YAP1: variants seen among roughly 807,000 people sequenced by gnomAD.
YAP1 encodes Yes1 associated transcriptional regulator.
Under a neutral mutation model 56.9 loss-of-function variants are expected in YAP1, and 5 were observed. The ratio of observed to expected loss-of-function variants is 0.09; its 90% CI spans 0.05 to 0.18. The LOEUF is 0.18. Ranked by LOEUF, YAP1 falls within the 10% of genes least tolerant of loss-of-function variation. The pLI is 1.00. For missense variants in YAP1, 539 were observed against 651.8 expected (o/e 0.83, Z 1.88); for synonymous variants, 265 against 248.1 (o/e 1.07, Z -0.64).
At chr11:102,209,798 A>C (rs1949305175) in intron 6 of YAP1, among the ~76,000 whole-genome samples, 2 of 152,032 alleles carry the variant, frequency 1.3e-5, no homozygotes, top group Non-Finnish European at 2.9e-5. Context: ...GATTCCATGG[A>C]GGTCTTTTTT....
chr11:102,115,248 A>G (rs1360595098), intron 2 of YAP1, among the ~76,000 whole-genome samples: 1 of 152,186 alleles, frequency 6.6e-6, no homozygotes, highest in Non-Finnish European at 1.5e-5. Context: ...TAATTATGAT[A>G]GACTGAAATT....
intron 2 of YAP1, among the ~76,000 whole-genome samples, chr11:102,118,378 G>T (rs1943428636): frequency 6.6e-6 from 1 of 151,844 alleles, no homozygotes; most frequent in African/African-American, 2.4e-5. Flanking sequence ...ACATTGCATG[G>T]CATAAAACTA....
chr11:102,227,905 T>TA (rs1234965102), intron 8 of YAP1, among the ~76,000 whole-genome samples: 6 of 151,344 alleles, frequency 4.0e-5, no homozygotes, highest in South Asian at 2.1e-4. Flanking sequence ...CCCATCTCTA[T>TA]AAAAAAACAT....
At chr11:102,177,405 T>C (rs1339866148) in intron 3 of YAP1, among the ~76,000 whole-genome samples, 1 of 152,088 alleles carries the variant, frequency 6.6e-6, no homozygotes, top group Non-Finnish European at 1.5e-5. Context: ...ATAAGACCAA[T>C]TTGGAAGTTA....
At position 102,215,671 on chromosome 11, in the gene YAP1, G is replaced by A. The variant is rs937185482; in HGVS notation, c.1032+6107G>A. On this transcript the variant is annotated intron_variant, in intron 6 of 8. Transcript: ENST00000282441. ...TTTTTGTATATTTAGTAGAGACAGG[G>A]TTTCACCATGTTGGTCAGGCTGGTC... 1.1e-4 allele frequency among the ~76,000 whole-genome samples: 16 copies of A among 152,248 alleles called. No homozygotes were observed. In the East Asian group the frequency reaches 2.5e-3, roughly 24 times the overall value.
intron 2 of YAP1, among the ~76,000 whole-genome samples, chr11:102,135,262 C>G (rs1944608693): frequency 6.6e-6 from 1 of 152,160 alleles, no homozygotes; most frequent in South Asian, 2.1e-4. Flanking sequence ...CAGTTACCTA[C>G]TACTGCATAA....
intron 2 of YAP1, among the ~76,000 whole-genome samples, chr11:102,157,707 C>T (rs1485220916): frequency 2.6e-5 from 4 of 152,172 alleles, no homozygotes; most frequent in Admixed American, 6.5e-5. Flanking sequence ...CACTTTTCTT[C>T]AGGGAAGTGG....
At chr11:102,120,139 T>A (rs1943562190) in intron 2 of YAP1, among the ~76,000 whole-genome samples, 1 of 152,226 alleles carries the variant, frequency 6.6e-6, no homozygotes, top group Non-Finnish European at 1.5e-5. Flanking sequence ...TGAAGAAGAA[T>A]TGCTTCATGG....
At chr11:102,223,904 G>C (rs182900185) in intron 7 of YAP1, 152 bp downstream of exon 7, 2 of 1,023,782 alleles carry the variant, frequency 2.0e-6, no homozygotes, top group East Asian at 5.2e-5. Context: ...AGTACATGCA[G>C]AGTTGAGGAT....
At chr11:102,174,414 T>C (rs899023674) in intron 3 of YAP1, among the ~76,000 whole-genome samples, 1 of 151,952 alleles carries the variant, frequency 6.6e-6, no homozygotes, top group Non-Finnish European at 1.5e-5. Context: ...CTGGCCAACA[T>C]GGTGAAACCC....
intron 4 of YAP1, among the ~76,000 whole-genome samples, chr11:102,188,946 ATTTC>A (rs1294088436): frequency 1.3e-5 from 2 of 152,172 alleles, no homozygotes; most frequent in Non-Finnish European, 2.9e-5. Context: ...TTTAAAAGCT[ATTTC>A]TTTAATATTT....
At chr11:102,157,881 A>G (rs1946046015) in intron 2 of YAP1, among the ~76,000 whole-genome samples, 1 of 152,202 alleles carries the variant, frequency 6.6e-6, no homozygotes, top group Non-Finnish European at 1.5e-5. Flanking sequence ...CACAATGAAG[A>G]CAGTCTTAAA....
chr11:102,199,442 C>T (rs757853740), intron 4 of YAP1, among the ~76,000 whole-genome samples: 5 of 152,196 alleles, frequency 3.3e-5, no homozygotes, highest in South Asian at 2.1e-4. Context: ...TATCCATTGC[C>T]CTATAAAATA....
intron 2 of YAP1, among the ~76,000 whole-genome samples, chr11:102,130,853 A>T (rs182441078): frequency 6.8e-6 from 1 of 146,848 alleles, no homozygotes; most frequent in East Asian, 2.1e-4. Context: ...TGTAGTTTGG[A>T]TGGGTTCACT....
chr11:102,188,671 G>A (rs1451450822), intron 4 of YAP1, among the ~76,000 whole-genome samples: 4 of 152,172 alleles, frequency 2.6e-5, no homozygotes, highest in East Asian at 1.9e-4. Context: ...GTAGCTTGGG[G>A]CGATAGGCTA....
At chr11:102,129,618 CAAAA>C (rs139054273) in intron 2 of YAP1, among the ~76,000 whole-genome samples, 31 of 100,174 alleles carry the variant, frequency 3.1e-4, no homozygotes, top group Admixed American at 5.5e-4. Context: ...ACTCTGTCTC[CAAAA>C]AAAAAAAAAA....
chr11:102,146,004 C>G (rs1283498201), intron 2 of YAP1, among the ~76,000 whole-genome samples: 1 of 152,102 alleles, frequency 6.6e-6, no homozygotes, highest in Non-Finnish European at 1.5e-5. Context: ...ATCATTTGAT[C>G]AAAATTCAGT....
At position 102,110,709 on chromosome 11, in the gene YAP1, CCCCGGCCCTGAGAGCGAGGACAGCGCCG is replaced by C; in HGVS notation, c.-131_-104del. The C allele has an allele frequency of 2.8e-6, 2 of 716,874 alleles. No homozygotes were observed. The highest frequency in any genetic ancestry group is 3.7e-6 in the Non-Finnish European group (2 of 540,888). The allele number at this position is 716,874 out of a possible 1,614,324, so 44.4% of individuals were successfully genotyped here. A position where few individuals can be genotyped will look rare whatever the true frequency, so the allele number is the denominator to read the frequency against. ...GGGGATGCGGGGCCGCGGCGCAGCC[CCCCGGCCCTGAGAGCGAGGACAGCGCCG>C]CCCGGCCCGCAGCCGTCGCCGCTTC... On this transcript the variant is annotated 5_prime_UTR_variant, in exon 1 of 9. An upstream open reading frame in the 5' UTR loses its in-frame stop. Coordinates refer to ENST00000282441, the MANE Select transcript of YAP1 (RefSeq NM_001130145.3).
intron 2 of YAP1, 59 bp from the exon 3 acceptor site, chr11:102,162,397 A>G (rs1946344844): frequency 2.8e-6 from 4 of 1,451,094 alleles, no homozygotes; most frequent in East Asian, 2.3e-5. Context: ...CCCACAAGAT[A>G]AGAATTGTTT....
Sources: gnomAD v4.1 joint callset for allele counts (sites outside exome capture counted in the v4.1 genomes callset) on GRCh38, gnomAD v4.1.1 for gene constraint, MANE v1.5 for transcripts, NCBI Gene and HGNC (gene_info 2026-07-23, HGNC 2026-07-21) for gene names.